FAT3: variants seen among roughly 807,000 people sequenced by gnomAD.
FAT3 encodes the protein FAT atypical cadherin 3.
FAT3 carries 95 observed loss-of-function variants against 310.2 expected under a neutral mutation model. The ratio of observed to expected loss-of-function variants is 0.31; its 90% CI spans 0.26 to 0.36. The LOEUF is 0.36. Ranked by LOEUF, FAT3 falls within the 10% of genes least tolerant of loss-of-function variation. The pLI is 1.00. For missense variants in FAT3, 5,408 were observed against 5,715.6 expected, an observed-to-expected ratio of 0.95 and a Z score of 1.74; for synonymous variants, 2,314 against 2,192.9, an observed-to-expected ratio of 1.06 and a Z score of -1.54.
chr11:92,780,690 C>T (rs541832804), intron 7 of FAT3, among the ~76,000 whole-genome samples: 2 of 152,222 alleles, frequency 1.3e-5, no homozygotes, highest in Admixed American at 6.5e-5. Flanking sequence ...ACTCACCTGG[C>T]CCTACTAGTT....
At chr11:92,553,328 G>A (rs552974472) in intron 3 of FAT3, among the ~76,000 whole-genome samples, 4 of 152,286 alleles carry the variant, frequency 2.6e-5, no homozygotes, top group African/African-American at 9.6e-5. Context: ...AATGTTTGCA[G>A]AGTTCCTGCT....
chr11:92,790,110 C>T lies in FAT3; in HGVS notation c.4503C>T (p.Ile1501=), dbSNP rs768911048. ...HKLSYTVHSS[I]DSISMRKFRI... is the part of the protein sequence containing the mutation. ...TGAGCTACACTGTTCATAGCAGCAT[C>T]GACTCCATCAGCATGAGAAAATTCC... Residue 1501 remains isoleucine, a synonymous_variant, in exon 8 of 28, where the codon ATC becomes ATT. Transcript: ENST00000525166. The T allele has an allele frequency of 1.7e-5, 28 of 1,613,672 alleles. No homozygotes were observed. The highest frequency in any genetic ancestry group is 1.6e-4 in the African/African-American group (12 of 74,912).
intron 1 of FAT3, among the ~76,000 whole-genome samples, chr11:92,231,285 T>C (rs1428028257): frequency 6.6e-6 from 1 of 152,164 alleles, no homozygotes; most frequent in Admixed American, 6.5e-5. Flanking sequence ...TAGGTATTCA[T>C]CATTTAGATC....
chr11:92,639,048 A>G (rs779396161), intron 3 of FAT3, among the ~76,000 whole-genome samples: 1 of 152,178 alleles, frequency 6.6e-6, no homozygotes, highest in Non-Finnish European at 1.5e-5. Context: ...ATTAGTTGTT[A>G]TAATATTATG....
intron 2 of FAT3, among the ~76,000 whole-genome samples, chr11:92,432,576 G>A (rs1046494669): frequency 6.6e-6 from 1 of 152,198 alleles, no homozygotes; most frequent in African/African-American, 2.4e-5. Context: ...CTGTTTGCCT[G>A]AGTGTCACCA....
At chr11:92,624,879 C>T (rs750339993) in intron 3 of FAT3, among the ~76,000 whole-genome samples, 2 of 152,224 alleles carry the variant, frequency 1.3e-5, no homozygotes, top group African/African-American at 2.4e-5. Context: ...CTGTTCAAAG[C>T]TGCTCTTCTT....
At chr11:92,555,871 A>G (rs765332410) in intron 3 of FAT3, among the ~76,000 whole-genome samples, 23 of 152,214 alleles carry the variant, frequency 1.5e-4, no homozygotes, top group Non-Finnish European at 1.9e-4. Flanking sequence ...TCTATAGCCT[A>G]TTGGTTAAGA....
intron 3 of FAT3, among the ~76,000 whole-genome samples, chr11:92,685,873 A>G (rs544940652): frequency 6.6e-6 from 1 of 152,318 alleles, no homozygotes; most frequent in East Asian, 1.9e-4. Context: ...GGGAAAATAC[A>G]AGGCTTCTTC....
intron 13 of FAT3, among the ~76,000 whole-genome samples, chr11:92,824,434 A>G (rs1948052022): frequency 6.6e-6 from 1 of 152,204 alleles, no homozygotes; most frequent in Non-Finnish European, 1.5e-5. Context: ...CCTTGACAAA[A>G]GTGATTTTCT....
intron 3 of FAT3, among the ~76,000 whole-genome samples, chr11:92,608,180 T>C (rs1940392902): frequency 6.6e-6 from 1 of 152,174 alleles, no homozygotes; most frequent in Non-Finnish European, 1.5e-5. Context: ...CATCACTGCC[T>C]TTTTGTTGTG....
chr11:92,807,619 G>T (rs113246218), intron 12 of FAT3, among the ~76,000 whole-genome samples: 1 of 152,134 alleles, frequency 6.6e-6, no homozygotes, highest in Non-Finnish European at 1.5e-5. Flanking sequence ...TTTATAGGAA[G>T]GAGAATTTTT....
intron 3 of FAT3, among the ~76,000 whole-genome samples, chr11:92,560,479 T>C (rs963706804): frequency 1.0e-4 from 13 of 129,874 alleles, no homozygotes; most frequent in Non-Finnish European, 2.3e-4. Flanking sequence ...GCTTGTGATT[T>C]TGCTTTTGCG....
chr11:92,645,263 A>G (rs996462169), intron 3 of FAT3, among the ~76,000 whole-genome samples: 9 of 152,260 alleles, frequency 5.9e-5, no homozygotes, highest in Non-Finnish European at 7.3e-5. Context: ...ATTTGTATGC[A>G]CAAGGAAAAC....
At chr11:92,888,194 G>T (rs1949838834) in intron 25 of FAT3, among the ~76,000 whole-genome samples, 1 of 152,156 alleles carries the variant, frequency 6.6e-6, no homozygotes, top group Admixed American at 6.5e-5. Flanking sequence ...TGCCTTCAGT[G>T]TATCTATCTA....
At chr11:92,394,366 T>C (rs181100643) in intron 2 of FAT3, among the ~76,000 whole-genome samples, 1 of 152,078 alleles carries the variant, frequency 6.6e-6, no homozygotes, top group East Asian at 1.9e-4. Context: ...GAAGGATTGC[T>C]CAAGCCTGGG....
intron 4 of FAT3, among the ~76,000 whole-genome samples, chr11:92,698,016 T>C (rs765145997): frequency 5.3e-5 from 8 of 152,264 alleles, no homozygotes; most frequent in Non-Finnish European, 1.2e-4. Flanking sequence ...AAAATAAATA[T>C]GAAAGAGCTT....
intron 1 of FAT3, among the ~76,000 whole-genome samples, chr11:92,267,196 A>G (rs1565190066): frequency 1.3e-5 from 2 of 152,308 alleles, no homozygotes; most frequent in East Asian, 1.9e-4. Context: ...TATTCAAGAC[A>G]GAAAAAAATG....
In FAT3 at chr11:92,892,058, CA is replaced by C. The variant is rs1403534073; in HGVS notation, c.*947del. ...TCAAAGTTTGCGGCCTAGATAATCA[CA>C]ATTCTTCATAATGCAGAGGAAAGGT... On this transcript the variant is annotated 3_prime_UTR_variant, in exon 28 of 28. Coordinates refer to ENST00000525166, the MANE Select transcript of FAT3 (RefSeq NM_001367949.2). 1.3e-5 allele frequency: 2 copies of C among 152,088 alleles called. No homozygotes were observed. The highest frequency in any genetic ancestry group is 2.9e-5 in the Non-Finnish European group (2 of 68,044). The allele number at this position is 152,088 out of a possible 1,614,324, so 9.4% of individuals were successfully genotyped here.
intron 3 of FAT3, among the ~76,000 whole-genome samples, chr11:92,629,302 G>A (rs1941458971): frequency 6.6e-6 from 1 of 152,114 alleles, no homozygotes; most frequent in African/African-American, 2.4e-5. Context: ...GAAAGAAGAA[G>A]AGGTGACTGA....
Sources: gnomAD v4.1 joint callset for allele counts (sites outside exome capture counted in the v4.1 genomes callset) on GRCh38, gnomAD v4.1.1 for gene constraint, MANE v1.5 for transcripts, NCBI Gene and HGNC (gene_info 2026-07-23, HGNC 2026-07-21) for gene names.